MTRF1: variants seen among roughly 807,000 people sequenced by gnomAD.
MTRF1 encodes the protein mitochondrial translation release factor 1, also known as peptide chain release factor 1, mitochondrial.
Under a neutral mutation model 62.9 loss-of-function variants are expected in MTRF1, and 51 were observed. The ratio of observed to expected loss-of-function variants is 0.81; its 90% confidence interval spans 0.65 to 1.02. MTRF1 has a LOEUF of 1.02. Among genes scored for constraint, MTRF1 ranks in the 50% least tolerant of loss-of-function variants. The pLI is 0.00. For synonymous variants in MTRF1, 158 were observed against 181.9 expected, an observed-to-expected ratio of 0.87 and a Z score of 1.06; for missense variants, 446 against 530.0, an observed-to-expected ratio of 0.84 and a Z score of 1.56.
chr13:41,274,676 A>T, the MTRF1 span, among the ~76,000 whole-genome samples: 3 of 147,994 alleles, frequency 2.0e-5, no homozygotes, highest in East Asian at 1.9e-4. Flanking sequence ...ATAAATATAT[A>T]ATAATAATAA....
intron 7 of MTRF1, among the ~76,000 whole-genome samples, chr13:41,231,829 C>T (rs1437008049): frequency 6.8e-6 from 1 of 147,192 alleles, no homozygotes; most frequent in Admixed American, 6.9e-5. Context: ...TCACTTGAGC[C>T]GAGGAGTTGG....
chr13:41,302,276 C>T, the MTRF1 span, among the ~76,000 whole-genome samples: 2 of 152,088 alleles, frequency 1.3e-5, no homozygotes, highest in South Asian at 2.1e-4. Flanking sequence ...GTGAGCCACC[C>T]GCCTCGGCCT....
At chr13:41,278,140 G>C in the MTRF1 span, among the ~76,000 whole-genome samples, 2 of 152,336 alleles carry the variant, frequency 1.3e-5, no homozygotes, top group Admixed American at 1.3e-4. Context: ...AGGTTCCTGA[G>C]ATGCTCCAAG....
the MTRF1 span, chr13:41,311,673 G>C: frequency 1.6e-6 from 2 of 1,212,902 alleles, no homozygotes; most frequent in East Asian, 2.7e-5. Context: ...GCGCGGGCCA[G>C]GCTTGGCCTC....
chr13:41,251,202 C>T (rs2039014917), intron 5 of MTRF1, among the ~76,000 whole-genome samples: 1 of 152,132 alleles, frequency 6.6e-6, no homozygotes. Context: ...TCATCCTTTG[C>T]AGGTCTCTGA....
chr13:41,229,193 C>T (rs1398736176), intron 7 of MTRF1: 1 of 152,068 alleles, frequency 6.6e-6, no homozygotes, highest in Non-Finnish European at 1.5e-5. Flanking sequence ...CTTTCTTTTC[C>T]CTTTATTGTT....
chr13:41,260,429 A>G (rs1435883100), intron 2 of MTRF1, 64 bp downstream of exon 2: 4 of 1,339,152 alleles, frequency 3.0e-6, no homozygotes, highest in South Asian at 2.8e-5. Context: ...ACACACACGC[A>G]TATAAGTGTG....
chr13:41,269,988 G>A, the MTRF1 span, among the ~76,000 whole-genome samples: 1 of 152,160 alleles, frequency 6.6e-6, no homozygotes, highest in African/African-American at 2.4e-5. Context: ...GGACTAGACT[G>A]CCTAAAGCCA....
chr13:41,294,100 A>AT, the MTRF1 span, among the ~76,000 whole-genome samples: 1 of 152,170 alleles, frequency 6.6e-6, no homozygotes, highest in Admixed American at 6.5e-5. Context: ...CACAAAATGT[A>AT]TTTTTGATAG....
chr13:41,239,422 C>T (rs1199471266), intron 6 of MTRF1, among the ~76,000 whole-genome samples: 1 of 152,086 alleles, frequency 6.6e-6, no homozygotes, highest in Non-Finnish European at 1.5e-5. Context: ...ATGGTGTCTG[C>T]TGTATCCTTT....
At chr13:41,270,668 T>C in the MTRF1 span, among the ~76,000 whole-genome samples, 2 of 152,158 alleles carry the variant, frequency 1.3e-5, no homozygotes, top group Non-Finnish European at 2.9e-5. Context: ...AGAGAAAAAT[T>C]AAAATGAATG....
chr13:41,311,628 T>C, the MTRF1 span: 1 of 1,569,286 alleles, frequency 6.4e-7, no homozygotes, highest in Non-Finnish European at 8.7e-7. Context: ...CCCCGGGTCC[T>C]CGGGCCTTAA....
At chr13:41,267,888 A>G (rs886846115), upstream of MTRF1, among the ~76,000 whole-genome samples, 4 of 151,912 alleles carry the variant, frequency 2.6e-5, no homozygotes, top group Non-Finnish European at 5.9e-5. Context: ...CGATCAAATT[A>G]AAAAGCTTGC....
chr13:41,282,595 A>G, the MTRF1 span, among the ~76,000 whole-genome samples: 5 of 152,358 alleles, frequency 3.3e-5, no homozygotes, highest in East Asian at 5.8e-4. Context: ...ATGCTAGTTG[A>G]CTACCTTCCC....
intron 9 of MTRF1, among the ~76,000 whole-genome samples, chr13:41,222,979 A>G (rs2033702037): frequency 6.6e-6 from 1 of 152,222 alleles, no homozygotes; most frequent in African/African-American, 2.4e-5. Flanking sequence ...ACCAATACCC[A>G]TGTATATATG....
At chr13:41,218,932 CTA>C (rs910170170) in intron 9 of MTRF1, among the ~76,000 whole-genome samples, 7 of 152,316 alleles carry the variant, frequency 4.6e-5, no homozygotes, top group Admixed American at 2.0e-4. Flanking sequence ...AGCAAAAACA[CTA>C]TGATATAACT....
At position 41,216,446 on chromosome 13, in the gene MTRF1, A is replaced by G. The variant is rs1032570443; in HGVS notation, c.*669T>C. The G allele has an allele frequency of 6.6e-6, 1 of 152,108 alleles. No homozygotes were observed. Among genetic ancestry groups the G allele is most frequent in the African/African-American group, 2.4e-5 (1 of 41,430 alleles). The allele number at this position is 152,108 out of a possible 1,614,324, so 9.4% of individuals were successfully genotyped here. On this transcript the variant is annotated 3_prime_UTR_variant, in exon 10 of 10. Transcript: ENST00000379480. ...TCAAAGGGCTTTACTGTCTGTACCC[A>G]GATGCTCATTGTTATTGAATGACTC...
chr13:41,268,218 A>G (rs756403195), upstream of MTRF1, among the ~76,000 whole-genome samples: 34 of 152,212 alleles, frequency 2.2e-4, no homozygotes, highest in South Asian at 8.3e-4. Context: ...TAGTAATGGT[A>G]TGGGAGTAAC....
At chr13:41,288,827 G>A in the MTRF1 span, among the ~76,000 whole-genome samples, 17 of 152,198 alleles carry the variant, frequency 1.1e-4, no homozygotes, top group Admixed American at 7.2e-4. Flanking sequence ...GTAAAGCAGC[G>A]GAGACAACTC....
Sources: gnomAD v4.1 joint callset for allele counts (sites outside exome capture counted in the v4.1 genomes callset) on GRCh38, gnomAD v4.1.1 for gene constraint, MANE v1.5 for transcripts, NCBI Gene and HGNC (gene_info 2026-07-23, HGNC 2026-07-21) for gene names.